The following SLCO1B3 variants were observed in gnomAD, a reference collection of about 807,000 sequenced individuals.
SLCO1B3 encodes liver-specific organic anion transporter 2.
SLCO1B3 carries 72 observed loss-of-function variants against 71.8 expected under a neutral mutation model. The observed-to-expected ratio is 1.00, with a 90% CI of 0.83 to 1.22. The LOEUF (loss-of-function observed/expected upper bound fraction) is 1.22. Ranked by LOEUF, SLCO1B3 falls within the 50% of genes most tolerant of loss-of-function variation. SLCO1B3 has a pLI of 0.00. For missense variants in SLCO1B3, 911 were observed against 819.7 expected (o/e 1.11, Z -1.36); for synonymous variants, 298 against 278.4 (o/e 1.07, Z -0.70).
chr12:20,859,007 C>G (rs906271761), intron 5 of SLCO1B3: 1 of 152,292 alleles, frequency 6.6e-6, no homozygotes, highest in Non-Finnish European at 1.5e-5. Flanking sequence ...GAGTAAGAAG[C>G]TCATATGAGA....
At chr12:20,842,409 G>T (rs1478897862) in intron 3 of SLCO1B3, among the ~76,000 whole-genome samples, 2 of 151,852 alleles carry the variant, frequency 1.3e-5, no homozygotes, top group Admixed American at 6.6e-5. Context: ...TATAATCATT[G>T]TATCTTTTAG....
chr12:20,883,860 T>C (rs1865743000), intron 13 of SLCO1B3, among the ~76,000 whole-genome samples: 1 of 152,206 alleles, frequency 6.6e-6, no homozygotes, highest in Admixed American at 6.5e-5. Context: ...GATTGACAGT[T>C]GCCTTGATTG....
chr12:20,822,114 G>A lies in SLCO1B3; in HGVS notation c.84+6292G>A, dbSNP rs369852910. On this transcript the variant is annotated intron_variant, in intron 3 of 15. Coordinates refer to ENST00000381545, the MANE Select transcript of SLCO1B3 (RefSeq NM_019844.4). ...GAGGTCGTAGATGGATCTTTCTCAC[G>A]GAGCAAAGAGCAGGAGGACGGGGGA... 1.1e-3 allele frequency among the ~76,000 whole-genome samples: 174 copies of A among 152,304 alleles called. 4 individuals carry two copies. The South Asian group carries it at 0.033, about 29-fold the overall frequency.
intron 6 of SLCO1B3, among the ~76,000 whole-genome samples, 188 bp from the exon 7 acceptor site, chr12:20,862,224 A>G (rs1591767300): frequency 6.6e-6 from 1 of 152,200 alleles, no homozygotes; most frequent in Non-Finnish European, 1.5e-5. Flanking sequence ...TAGTGTAATT[A>G]TAGAAAATTT....
At chr12:20,818,826 C>T (rs1227061755) in intron 3 of SLCO1B3, among the ~76,000 whole-genome samples, 14 of 152,080 alleles carry the variant, frequency 9.2e-5, no homozygotes, top group Admixed American at 1.3e-4. Flanking sequence ...ATGGGATGAA[C>T]ATCAGGTGGA....
chr12:20,846,359 T>G (rs1378437887), intron 3 of SLCO1B3, among the ~76,000 whole-genome samples: 4 of 152,202 alleles, frequency 2.6e-5, no homozygotes, highest in Non-Finnish European at 4.4e-5. Context: ...CCAAAGAGTG[T>G]TATTCTTTAG....
At chr12:20,913,796 G>C (rs1447455965) in intron 15 of SLCO1B3, among the ~76,000 whole-genome samples, 1 of 152,136 alleles carries the variant, frequency 6.6e-6, no homozygotes, top group Non-Finnish European at 1.5e-5. Context: ...CTGCTACCCA[G>C]GCTGTAGAGC....
chr12:20,822,022 A>C (rs925367120), intron 3 of SLCO1B3, among the ~76,000 whole-genome samples: 3 of 152,216 alleles, frequency 2.0e-5, no homozygotes, highest in Admixed American at 6.5e-5. Context: ...AGAAGAGAGT[A>C]AAAAGAGGCC....
chr12:20,908,694 G>A (rs940526139), intron 15 of SLCO1B3, among the ~76,000 whole-genome samples: 6 of 152,074 alleles, frequency 3.9e-5, no homozygotes, highest in Admixed American at 2.0e-4. Context: ...TAAGTTTCCT[G>A]TACTTGTTTG....
chr12:20,889,859 G>A (rs879359572), intron 13 of SLCO1B3, among the ~76,000 whole-genome samples: 2 of 150,992 alleles, frequency 1.3e-5, no homozygotes, highest in Non-Finnish European at 2.9e-5. Flanking sequence ...CTGATTTGTT[G>A]TATCTCAGAG....
At chr12:20,893,542 G>C (rs1458714949) in intron 13 of SLCO1B3, among the ~76,000 whole-genome samples, 1 of 152,114 alleles carries the variant, frequency 6.6e-6, no homozygotes, top group Admixed American at 6.5e-5. Flanking sequence ...TACATTTCAG[G>C]CCCATTGATG....
Position 20,879,514 on chromosome 12 carries a change from T to C in SLCO1B3, c.1214T>C (p.Val405Ala), listed in dbSNP as rs780313590. The change falls in exon 11 of 16, where the codon GTT (valine) becomes GCT (alanine). Residue 405 changes from valine to alanine, a missense_variant. Coordinates refer to ENST00000381545, the MANE Select transcript of SLCO1B3 (RefSeq NM_019844.4). ...FIIKKFKLSL[V>A]GIAKFSFLTS... is the part of the protein sequence containing the mutation. ...ATTAAAAAATTCAAATTGTCTTTAG[T>C]TGGAATTGCCAAATTTTCATTTCTT... The C allele has an allele frequency of 8.1e-6, 13 of 1,611,542 alleles. No homozygotes were observed. The highest frequency in any genetic ancestry group is 1.1e-5 in the Non-Finnish European group (13 of 1,177,960).
chr12:20,875,920 G>T (rs148440149), intron 9 of SLCO1B3, among the ~76,000 whole-genome samples: 3 of 151,996 alleles, frequency 2.0e-5, no homozygotes, highest in African/African-American at 7.2e-5. Flanking sequence ...ATAGATCACT[G>T]TAATAAAGTA....
chr12:20,862,357 C>A, intron 6 of SLCO1B3, 55 bp from the exon 7 acceptor site: 1 of 1,513,838 alleles, frequency 6.6e-7, no homozygotes, highest in South Asian at 1.3e-5. Context: ...AGTTAAATTT[C>A]TAATAGGAAT....
intron 3 of SLCO1B3, among the ~76,000 whole-genome samples, chr12:20,820,659 C>A (rs927673550): frequency 6.6e-6 from 1 of 152,022 alleles, no homozygotes; most frequent in Non-Finnish European, 1.5e-5. Flanking sequence ...GGGCCAGATT[C>A]CAATTTTTGG....
At chr12:20,860,849 CCT>C (rs1441696350) in intron 5 of SLCO1B3, among the ~76,000 whole-genome samples, 166 bp from the exon 6 acceptor site, 4 of 152,052 alleles carry the variant, frequency 2.6e-5, no homozygotes, top group Non-Finnish European at 5.9e-5. Context: ...CATTTCACCC[CCT>C]CTCATCACCT....
At chr12:20,856,066 T>C (rs1322706231) in intron 4 of SLCO1B3, among the ~76,000 whole-genome samples, 2 of 152,212 alleles carry the variant, frequency 1.3e-5, no homozygotes, top group East Asian at 1.9e-4. Context: ...TATGACACTC[T>C]ACATGTCCTT....
At chr12:20,898,954 C>T (rs1027266264) in intron 14 of SLCO1B3, among the ~76,000 whole-genome samples, 1 of 152,152 alleles carries the variant, frequency 6.6e-6, no homozygotes, top group Non-Finnish European at 1.5e-5. Flanking sequence ...ATTCACTGTG[C>T]CATTTCCCAC....
chr12:20,849,351 A>T (rs1270187959), intron 3 of SLCO1B3, among the ~76,000 whole-genome samples: 1 of 151,880 alleles, frequency 6.6e-6, no homozygotes, highest in Non-Finnish European at 1.5e-5. Context: ...CAAATCCAAC[A>T]CCCTTTCTCA....
Sources: gnomAD v4.1 joint callset for allele counts (sites outside exome capture counted in the v4.1 genomes callset) on GRCh38, gnomAD v4.1.1 for gene constraint, MANE v1.5 for transcripts, NCBI Gene and HGNC (gene_info 2026-07-23, HGNC 2026-07-21) for gene names.